The following HAPLN3 variants were observed in gnomAD, a reference collection of about 807,000 sequenced individuals.
The protein encoded by HAPLN3 is extracellular link domain containing, 1.
In HAPLN3, 28 loss-of-function variants were observed where a neutral mutation model predicts 28.1. That is an observed-to-expected ratio of 1.00 (90% confidence interval 0.74 to 1.37). The LOEUF is 1.37. HAPLN3 is among the 40% of genes most tolerant of loss of function. The pLI is 0.00. For missense variants in HAPLN3, 513 were observed against 504.6 expected (o/e 1.02, Z -0.16); for synonymous variants, 211 against 213.1 (o/e 0.99, Z 0.09).
At chr15:88,893,688 G>A (rs900850033) in intron 1 of HAPLN3, among the ~76,000 whole-genome samples, 1 of 152,016 alleles carries the variant, frequency 6.6e-6, no homozygotes, top group African/African-American at 2.4e-5. Context: ...TGCACTTTGG[G>A]AGGCTGAGGT....
intron 1 of HAPLN3, chr15:88,892,887 A>G: frequency 1.4e-6 from 2 of 1,409,348 alleles, no homozygotes; most frequent in South Asian, 1.3e-5. Flanking sequence ...CTGCTCCCCT[A>G]CCATGGCTAT....
rs1459043863 is a variant in HAPLN3, at chr15:88,895,191, C to T, written c.-48+268G>A. 6.6e-6 allele frequency among the ~76,000 whole-genome samples: 1 copy of T among 152,146 alleles called. No individual in the cohort carries two copies. The highest frequency in any genetic ancestry group is 6.5e-5 in the Admixed American group (1 of 15,280). ...ACGGTGGTCTCGGAGGCCACGGGGTCCGCTCGGGCTCTGCTCCCTCACGGT... is the reference window on the plus strand; with the variant it reads ...ACGGTGGTCTCGGAGGCCACGGGGTTCGCTCGGGCTCTGCTCCCTCACGGT... On this transcript the variant is annotated intron_variant, in intron 1 of 4. Coordinates refer to ENST00000359595, the MANE Select transcript of HAPLN3 (RefSeq NM_178232.4). The surrounding 1 kb of genome is among the most constrained non-coding windows in gnomAD (Gnocchi z 5.5).
chr15:88,885,113 A>C (rs896963572), intron 2 of HAPLN3, among the ~76,000 whole-genome samples: 2 of 152,260 alleles, frequency 1.3e-5, no homozygotes, highest in African/African-American at 4.8e-5. Context: ...CTGCAGGCAC[A>C]ATCATCTACT....
chr15:88,892,412 A>C lies in HAPLN3; in HGVS notation c.-48+3047T>G, dbSNP rs140854294. Among the ~76,000 whole-genome samples, 391 of 151,728 alleles carry C rather than the reference A, an allele frequency of 2.6e-3. 3 individuals are homozygous for C. Among genetic ancestry groups the C allele is most frequent in the Middle Eastern group, 0.014 (4 of 294 alleles). On this transcript the variant is annotated intron_variant, in intron 1 of 4. Coordinates refer to ENST00000359595, the MANE Select transcript of HAPLN3 (RefSeq NM_178232.4). ...GCAGAGGTTGCAGTGAGCCGAGATC[A>C]CACCTTTGCACTCCAGCCTGGGCGA...
rs745662166 is a variant in HAPLN3 at position 88,879,058 on chromosome 15, G to A, written c.705C>T (p.Gly235=). ...PIMLPRQPCG[G]PGLAPGVRSY... ...TTCGCACGCCAGGTGCCAGGCCCGGGCCACCGCAGGGCTGCCGGGGCAACA... is the reference window on the plus strand; with the variant it reads ...TTCGCACGCCAGGTGCCAGGCCCGGACCACCGCAGGGCTGCCGGGGCAACA... The change falls in exon 4 of 5, where the codon GGC becomes GGT. Residue 235 remains glycine (G), a synonymous_variant. Transcript: ENST00000359595. This position sits in a 1 kb window ranked among gnomAD's most constrained non-coding sequence, Gnocchi z 5.0. 2 of 1,606,122 alleles carry A rather than the reference G, an allele frequency of 1.2e-6. No individual in the cohort carries two copies. Among genetic ancestry groups the A allele is most frequent in the South Asian group, 2.2e-5 (2 of 90,152 alleles).
At chr15:88,878,566 CTA>C (rs1346864293) in intron 4 of HAPLN3, among the ~76,000 whole-genome samples, 1 of 152,226 alleles carries the variant, frequency 6.6e-6, no homozygotes, top group African/African-American at 2.4e-5. Context: ...TGAACACCTA[CTA>C]TGTGTCAGAC....
chr15:88,893,107 C>T (rs1019659972), intron 1 of HAPLN3: 1 of 802,876 alleles, frequency 1.2e-6, no homozygotes, highest in South Asian at 1.4e-5. Context: ...GCCTCCATTT[C>T]CTCATCTGTA....
Position 88,879,128 on chromosome 15 carries a change from C to A in HAPLN3, c.635G>T (p.Cys212Phe). ...GGCATCCTGCAGCCAGCCCGCGTTG[C>A]ACCAGTCCAGGCCCTCCTCCCAGGC... is the stretch of plus-strand genomic sequence containing the variant. Reference protein sequence around the residue: ...FRAWEEGLDWCNAGWLQDATV... With the variant: ...FRAWEEGLDWFNAGWLQDATV... The change falls in exon 4 of 5, where the codon TGC becomes TTC. Residue 212 changes from cysteine to phenylalanine, a missense_variant. Coordinates refer to ENST00000359595, the MANE Select transcript of HAPLN3 (RefSeq NM_178232.4). This position sits in a 1 kb window ranked among gnomAD's most constrained non-coding sequence, Gnocchi z 5.0. 1 of 1,613,598 alleles carries A rather than the reference C, an allele frequency of 6.2e-7. No homozygotes were observed. Among genetic ancestry groups the A allele is most frequent in the Non-Finnish European group, 8.5e-7 (1 of 1,179,878 alleles).
In HAPLN3 at chr15:88,879,760, T is replaced by C; in HGVS notation, c.494-491A>G. 8.6e-7 allele frequency: 1 copy of C among 1,157,082 alleles called. No individual in the cohort carries two copies. The highest frequency in any genetic ancestry group is 1.8e-5 in the South Asian group (1 of 55,484). The allele number at this position is 1,157,082 out of a possible 1,614,324, so 71.7% of individuals were successfully genotyped here. A position where few individuals can be genotyped will look rare whatever the true frequency, so the allele number is the denominator to read the frequency against. On this transcript the variant is annotated intron_variant, in intron 3 of 4. Coordinates refer to ENST00000359595, the MANE Select transcript of HAPLN3 (RefSeq NM_178232.4). This position sits in a 1 kb window ranked among gnomAD's most constrained non-coding sequence, Gnocchi z 5.0. ...GGAGAAGGAGAGGCCCTAGAGGCCG[T>C]GGGGAGAGGGTTGGGGAAGGGCCTT...
chr15:88,889,250 G>A (rs1897946421), intron 1 of HAPLN3, among the ~76,000 whole-genome samples: 1 of 152,148 alleles, frequency 6.6e-6, no homozygotes, highest in Non-Finnish European at 1.5e-5. Flanking sequence ...TTCCTGCCAA[G>A]ACCCTGGCTG....
rs529911440 is a variant in HAPLN3 at position 88,879,852 on chromosome 15, G to A, written c.494-583C>T. 4.2e-5 allele frequency: 44 copies of A among 1,054,444 alleles called. 1 individual carries two copies. In the East Asian group the frequency reaches 3.6e-3, roughly 85 times the overall value. The allele number at this position is 1,054,444 out of a possible 1,614,324, so 65.3% of individuals were successfully genotyped here. ...GTTTCTCTCCTTGTGGTCAGGGTCT[G>A]ATAGAGGCCACAGGCCCTGAAAAGA... On this transcript the variant is annotated intron_variant, in intron 3 of 4. Coordinates refer to ENST00000359595, the MANE Select transcript of HAPLN3 (RefSeq NM_178232.4). This position sits in a 1 kb window ranked among gnomAD's most constrained non-coding sequence, Gnocchi z 5.0.
intron 2 of HAPLN3, among the ~76,000 whole-genome samples, chr15:88,884,902 G>C (rs965613798): frequency 1.4e-4 from 22 of 152,212 alleles, no homozygotes; most frequent in African/African-American, 4.8e-4. Flanking sequence ...AACCGGAAGA[G>C]GCAAGGCAAG....
intron 2 of HAPLN3, among the ~76,000 whole-genome samples, chr15:88,885,064 A>C (rs1213638761): frequency 6.6e-6 from 1 of 152,252 alleles, no homozygotes; most frequent in Non-Finnish European, 1.5e-5. Flanking sequence ...AATTTGTTAC[A>C]GCTGACCTAG....
chr15:88,886,618 A>T (rs1023917264), intron 2 of HAPLN3, among the ~76,000 whole-genome samples: 3 of 152,140 alleles, frequency 2.0e-5, no homozygotes, highest in African/African-American at 7.2e-5. Context: ...TGAGGTCAGG[A>T]GTTCAAGACC....
intron 1 of HAPLN3, 54 bp from the exon 2 acceptor site, chr15:88,887,399 C>T (rs1482039317): frequency 2.0e-6 from 3 of 1,483,134 alleles, no homozygotes; most frequent in Non-Finnish European, 2.7e-6. Context: ...CCAGGGCCCA[C>T]ATCCCCTCTG....
At chr15:88,890,035 AAAGGAAGGAAG>A (rs1567206507) in intron 1 of HAPLN3, among the ~76,000 whole-genome samples, 2 of 107,552 alleles carry the variant, frequency 1.9e-5, no homozygotes, top group Non-Finnish European at 4.2e-5. Context: ...GGAAGGAAGG[AAAGGAAGGAAG>A]GAAGGAAAGG....
chr15:88,886,542 G>A (rs1897860402), intron 2 of HAPLN3, among the ~76,000 whole-genome samples: 2 of 151,212 alleles, frequency 1.3e-5, no homozygotes, highest in South Asian at 2.1e-4. Flanking sequence ...ATTCAAACTC[G>A]GGCCAGGCAT....
Position 88,880,408 on chromosome 15 carries a change from C to T in HAPLN3, c.493+949G>A, listed in dbSNP as rs1458515769. On this transcript the variant is annotated intron_variant, in intron 3 of 4. Coordinates refer to ENST00000359595, the MANE Select transcript of HAPLN3 (RefSeq NM_178232.4). The surrounding 1 kb of genome is among the most constrained non-coding windows in gnomAD (Gnocchi z 6.0). Reference sequence around the variant, plus strand: ...CGCATTTTAAGGACATACATCTTATCCTCATTGCCTCTGAGGGAGGTAAAG... The same window carrying T: ...CGCATTTTAAGGACATACATCTTATTCTCATTGCCTCTGAGGGAGGTAAAG... 4.2e-6 allele frequency: 5 copies of T among 1,178,784 alleles called. No homozygotes were observed. The East Asian group carries it at 2.5e-4, about 60-fold the overall frequency. The allele number at this position is 1,178,784 out of a possible 1,614,324, so 73.0% of individuals were successfully genotyped here.
chr15:88,886,441 C>T (rs536784470), intron 2 of HAPLN3, among the ~76,000 whole-genome samples: 16 of 152,028 alleles, frequency 1.1e-4, no homozygotes, highest in African/African-American at 3.1e-4. Flanking sequence ...TATCTAGAAG[C>T]GCGCCCAACC....
Sources: gnomAD v4.1 joint callset for allele counts (sites outside exome capture counted in the v4.1 genomes callset) on GRCh38, gnomAD v4.1.1 for gene constraint, Gnocchi (gnomAD v3.1) non-coding constraint, MANE v1.5 for transcripts, NCBI Gene and HGNC (gene_info 2026-07-23, HGNC 2026-07-21) for gene names.